The following C11orf65 variants were observed in gnomAD, a reference collection of about 807,000 sequenced individuals.
C11orf65 encodes chromosome 11 open reading frame 65.
C11orf65 carries 38 observed loss-of-function variants against 35.3 expected under a neutral mutation model. That is an observed-to-expected ratio of 1.08 (90% CI 0.83 to 1.41). The LOEUF is 1.41. Among genes scored for constraint, C11orf65 ranks in the 40% most tolerant of loss-of-function variants. The probability of loss-of-function intolerance (pLI) is 0.00; values close to 1 mark genes in which losing one functional copy is unlikely to be tolerated. For synonymous variants in C11orf65, 105 were observed against 114.4 expected (o/e 0.92, Z 0.53); for missense variants, 370 against 367.1 (o/e 1.01, Z -0.06).
chr11:108,313,208 CA>C (rs2084325151), intron 6 of C11orf65, among the ~76,000 whole-genome samples: 1 of 152,134 alleles, frequency 6.6e-6, no homozygotes. Context: ...TGCTCTTTCT[CA>C]GGTGCTTTAT....
chr11:108,378,822 T>C (rs2091795490), downstream of C11orf65, among the ~76,000 whole-genome samples: 2 of 147,984 alleles, frequency 1.4e-5, no homozygotes, highest in Non-Finnish European at 1.5e-5. Context: ...GTGAAGGACA[T>C]GAACAGACAC....
chr11:108,435,324 A>T (rs2093045862), intron 2 of C11orf65, among the ~76,000 whole-genome samples: 1 of 151,852 alleles, frequency 6.6e-6, no homozygotes, highest in Admixed American at 6.6e-5. Context: ...ATAAACCAAC[A>T]TGAAAAAAAA....
intron 3 of C11orf65, among the ~76,000 whole-genome samples, chr11:108,418,828 T>C (rs1276052054): frequency 1.3e-5 from 2 of 152,058 alleles, no homozygotes; most frequent in Non-Finnish European, 2.9e-5. Flanking sequence ...TATTACAGAT[T>C]CTAAGGCATT....
chr11:108,336,393 A>G lies in C11orf65; in HGVS notation c.227-1101T>C, dbSNP rs139697311. ...GTGAAGGACCAAATAATAAAGATTT[A>G]TTTTCTTTGTAAAAAGTATTTATTA... is the stretch of plus-strand genomic sequence containing the variant. On this transcript the variant is annotated intron_variant, in intron 2 of 3. Transcript: ENST00000524755. 2.0e-3 allele frequency: 324 copies of G among 158,554 alleles called. 3 individuals carry two copies. Among genetic ancestry groups the G allele is most frequent in the African/African-American group, 6.6e-3 (275 of 41,596 alleles). 9.8% of individuals were successfully genotyped at this position (158,554 alleles called of 1,614,324 possible).
intron 3 of C11orf65, among the ~76,000 whole-genome samples, chr11:108,407,553 C>T (rs1160991793): frequency 6.7e-6 from 1 of 149,762 alleles, no homozygotes; most frequent in African/African-American, 2.5e-5. Flanking sequence ...TTCTTGGCCT[C>T]AAGTGATACT....
intron 2 of C11orf65, among the ~76,000 whole-genome samples, chr11:108,359,548 A>G (rs2137589238): frequency 6.6e-6 from 1 of 152,274 alleles, no homozygotes. Flanking sequence ...AGTTGGAAGT[A>G]AAGCTCTCCT....
At chr11:108,431,443 G>A (rs2092988696) in intron 3 of C11orf65, among the ~76,000 whole-genome samples, 1 of 152,172 alleles carries the variant, frequency 6.6e-6, no homozygotes, top group Non-Finnish European at 1.5e-5. Context: ...GGAAATTAAA[G>A]TATTATGTTA....
At chr11:108,410,228 A>C (rs1168914975) in intron 3 of C11orf65, among the ~76,000 whole-genome samples, 1 of 152,054 alleles carries the variant, frequency 6.6e-6, no homozygotes, top group Non-Finnish European at 1.5e-5. Flanking sequence ...AATCCTTCTA[A>C]TTTTAGCCAT....
chr11:108,398,000 T>C (rs1008659035), intron 6 of C11orf65, among the ~76,000 whole-genome samples: 13 of 152,190 alleles, frequency 8.5e-5, no homozygotes, highest in Non-Finnish European at 1.6e-4. Flanking sequence ...TCTAGGTATG[T>C]AAGGGAAGGT....
intron 3 of C11orf65, chr11:108,334,027 C>A: frequency 2.3e-6 from 3 of 1,319,914 alleles, no homozygotes; most frequent in Non-Finnish European, 2.2e-6. Context: ...TAGATTGAAC[C>A]ATTTGAAATA....
intron 2 of C11orf65, among the ~76,000 whole-genome samples, chr11:108,346,799 G>C (rs962291406): frequency 1.4e-4 from 21 of 151,850 alleles, no homozygotes; most frequent in African/African-American, 4.8e-4. Flanking sequence ...GCAGTTTTTT[G>C]GGGGGATACA....
At chr11:108,316,349 T>C (rs2084648644) in intron 6 of C11orf65, among the ~76,000 whole-genome samples, 1 of 152,114 alleles carries the variant, frequency 6.6e-6, no homozygotes. Flanking sequence ...ACCTAAAAGA[T>C]AGTGTAGATT....
At chr11:108,437,707 TAAAAAAAAAAAAA>T (rs145337876) in intron 2 of C11orf65, among the ~76,000 whole-genome samples, 23 of 38,032 alleles carry the variant, frequency 6.0e-4, no homozygotes, top group Non-Finnish European at 4.8e-4. Context: ...GACTCAGTCT[TAAAAAAAAAAAAA>T]AAAAAAAAAA....
Position 108,317,428 on chromosome 11 carries a change from A to T in C11orf65, c.641-8357T>A, listed in dbSNP as rs2136165263. 2.5e-6 allele frequency: 4 copies of T among 1,612,356 alleles called. No homozygotes were observed. Among genetic ancestry groups the T allele is most frequent in the Non-Finnish European group, 3.4e-6 (4 of 1,179,226 alleles). On this transcript the variant is annotated intron_variant, in intron 6 of 6. Transcript: ENST00000525729. ...CTTTCCGTCTATTTAAAAGGATTGG[A>T]TTATGAAAATAAAGACTGGTGTCCT...
At chr11:108,363,050 C>G (rs1433490423) in intron 2 of C11orf65, among the ~76,000 whole-genome samples, 1 of 152,188 alleles carries the variant, frequency 6.6e-6, no homozygotes, top group Admixed American at 6.6e-5. Context: ...AATCTTCCCT[C>G]CGTAAATCTG....
At chr11:108,409,027 C>T (rs2092609390) in intron 3 of C11orf65, among the ~76,000 whole-genome samples, 1 of 152,110 alleles carries the variant, frequency 6.6e-6, no homozygotes, top group South Asian at 2.1e-4. Flanking sequence ...AATATATACA[C>T]ATTTTTTTCA....
At chr11:108,433,083 T>C (rs1052845388) in intron 2 of C11orf65, among the ~76,000 whole-genome samples, 1 of 152,062 alleles carries the variant, frequency 6.6e-6, no homozygotes, top group African/African-American at 2.4e-5. Flanking sequence ...GCTGAAATTT[T>C]TGGAATATCT....
chr11:108,367,844 T>A (rs2091414719), intron 2 of C11orf65: 1 of 207,568 alleles, frequency 4.8e-6, no homozygotes, highest in Non-Finnish European at 9.8e-6. Context: ...ATCTTTTTCT[T>A]ACAAGCTGCC....
At chr11:108,379,645 A>T (rs563378426), downstream of C11orf65, among the ~76,000 whole-genome samples, 18 of 151,286 alleles carry the variant, frequency 1.2e-4, no homozygotes, top group South Asian at 2.1e-4. Flanking sequence ...AATAAAATTA[A>T]AAAAAAAAGG....
Sources: gnomAD v4.1 joint callset for allele counts (sites outside exome capture counted in the v4.1 genomes callset) on GRCh38, gnomAD v4.1.1 for gene constraint, MANE v1.5 for transcripts, NCBI Gene and HGNC (gene_info 2026-07-23, HGNC 2026-07-21) for gene names.